Variants in ZC3H3 observed in about 807,000 individuals in gnomAD.
The protein encoded by ZC3H3 is zinc finger CCCH-type containing 3.
In ZC3H3, 36 loss-of-function variants were observed where a neutral mutation model predicts 77.3. The observed-to-expected ratio is 0.47, with a 90% CI of 0.36 to 0.61. The LOEUF (loss-of-function observed/expected upper bound fraction) is 0.61, where lower values mean the gene tolerates loss of function less well. Ranked by LOEUF, ZC3H3 falls within the 20% of genes least tolerant of loss-of-function variation. The pLI is 0.00. For synonymous variants in ZC3H3, 626 were observed against 555.2 expected, an observed-to-expected ratio of 1.13 and a Z score of -1.79; for missense variants, 1,331 against 1,312.2, an observed-to-expected ratio of 1.01 and a Z score of -0.22.
In ZC3H3 at chr8:143,468,552, G is replaced by C; in HGVS notation, c.1947-12C>G. ...GCTGCACTGCCCGGCTGCAGACGGG[G>C]AGAGAGGTGCGTGAGCCTGAGGGCG... is the stretch of plus-strand genomic sequence containing the variant. On this transcript the variant is annotated splice_polypyrimidine_tract_variant and intron_variant, in intron 6 of 11. Coordinates refer to ENST00000262577, the MANE Select transcript of ZC3H3 (RefSeq NM_015117.3). 1.2e-6 allele frequency: 2 copies of C among 1,605,346 alleles called. No individual in the cohort carries two copies. Among genetic ancestry groups the C allele is most frequent in the Non-Finnish European group, 1.7e-6 (2 of 1,176,644 alleles).
intron 9 of ZC3H3, among the ~76,000 whole-genome samples, chr8:143,448,328 C>T (rs946311540): frequency 6.6e-6 from 1 of 151,618 alleles, no homozygotes; most frequent in African/African-American, 2.4e-5. Flanking sequence ...AGAGACCAGG[C>T]AAGTCCTTTC....
chr8:143,520,320 T>C (rs1822200611), intron 3 of ZC3H3, among the ~76,000 whole-genome samples: 1 of 152,116 alleles, frequency 6.6e-6, no homozygotes, highest in African/African-American at 2.4e-5. Flanking sequence ...GACCCCGACT[T>C]GGGAGGAAGT....
intron 4 of ZC3H3, among the ~76,000 whole-genome samples, chr8:143,478,554 G>A (rs1258435949): frequency 1.3e-5 from 2 of 152,248 alleles, no homozygotes; most frequent in Non-Finnish European, 2.9e-5. Flanking sequence ...TTGTGACCCA[G>A]GCTAGAGTGC....
chr8:143,525,637 AAG>A (rs1166492060), intron 3 of ZC3H3, among the ~76,000 whole-genome samples: 1 of 152,204 alleles, frequency 6.6e-6, no homozygotes, highest in African/African-American at 2.4e-5. Context: ...CAGCCCTGGA[AAG>A]AGGGGGCTCC....
At chr8:143,507,920 A>G in intron 3 of ZC3H3, 21 bp from the exon 4 acceptor site, 1 of 1,566,074 alleles carries the variant, frequency 6.4e-7, no homozygotes, top group Admixed American at 1.7e-5. Context: ...AACCCAGGGC[A>G]CAGACATGGG....
chr8:143,461,968 T>A (rs418865), intron 9 of ZC3H3, among the ~76,000 whole-genome samples: 90,784 of 151,278 alleles, frequency 0.6, 27,479 homozygotes, highest in East Asian at 0.82. Context: ...GTACTTCAGT[T>A]AAGCTGCTTT....
chr8:143,505,828 G>A (rs1263579677), intron 4 of ZC3H3, among the ~76,000 whole-genome samples: 2 of 152,218 alleles, frequency 1.3e-5, no homozygotes, highest in Non-Finnish European at 2.9e-5. Flanking sequence ...TGGTGCTGGG[G>A]CCCTTGATCC....
chr8:143,525,034 C>T (rs536092107), intron 3 of ZC3H3, among the ~76,000 whole-genome samples: 162 of 152,392 alleles, frequency 1.1e-3, no homozygotes, highest in African/African-American at 3.7e-3. Context: ...GCTAAACTTA[C>T]GGTCATCGTA....
At chr8:143,525,295 A>G (rs1438560927) in intron 3 of ZC3H3, among the ~76,000 whole-genome samples, 1 of 152,248 alleles carries the variant, frequency 6.6e-6, no homozygotes, top group Non-Finnish European at 1.5e-5. Flanking sequence ...ACAGCCTCGG[A>G]GAGCCACAGG....
intron 3 of ZC3H3, among the ~76,000 whole-genome samples, chr8:143,517,788 C>T (rs1262426777): frequency 6.6e-6 from 1 of 152,152 alleles, no homozygotes; most frequent in East Asian, 1.9e-4. Context: ...TCTGCTTTGA[C>T]CCCCCGCTCC....
In ZC3H3 at chr8:143,441,010, C is replaced by T; in HGVS notation, c.2418G>A (p.Arg806=). ...GCCCTGGGGCGGGGGACGTGGCTGC[C>T]CGCCGACTGTGGCGTTTCTGGGTAC... The part of the protein sequence containing the change: ...LHRTQKRHSR[R]AATSPAPGPS... The change falls in exon 10 of 12, where the codon CGG becomes CGA. Residue 806 remains arginine (R), a synonymous_variant. Transcript: ENST00000262577. 1 of 1,473,624 alleles carries T rather than the reference C, an allele frequency of 6.8e-7. No individual in the cohort carries two copies. The highest frequency in any genetic ancestry group is 8.9e-7 in the Non-Finnish European group (1 of 1,119,702). The allele number at this position is 1,473,624 out of a possible 1,614,324, so 91.3% of individuals were successfully genotyped here. A position where few individuals can be genotyped will look rare whatever the true frequency, so the allele number is the denominator to read the frequency against.
chr8:143,539,135 T>A lies in ZC3H3; in HGVS notation c.232A>T (p.Asn78Tyr). 1 of 1,612,944 alleles carries A rather than the reference T, an allele frequency of 6.2e-7. No homozygotes were observed. Among genetic ancestry groups the A allele is most frequent in the Non-Finnish European group, 8.5e-7 (1 of 1,180,004 alleles). ...GGGTCTGAGGGTCCCGGGGGCCGAT[T>A]CACGAGGGAGTATTTCTTGCGCCAC... ...PSWRKKYSLV[N>Y]RPPGPSDPPA... Residue 78 changes from asparagine to tyrosine, a missense_variant, in exon 2 of 12, where the codon AAT becomes TAT. By Grantham distance (143) the Asn-to-Tyr change is moderately radical (BLOSUM62 -2). This residue lies in a region of ZC3H3 where 978 missense variants were observed against 915.5 expected (regional missense o/e 1.07). Coordinates refer to ENST00000262577, the MANE Select transcript of ZC3H3 (RefSeq NM_015117.3).
chr8:143,474,056 C>G (rs1455688019), intron 5 of ZC3H3, among the ~76,000 whole-genome samples: 2 of 152,226 alleles, frequency 1.3e-5, no homozygotes, highest in African/African-American at 4.8e-5. Context: ...CAGCATCCCC[C>G]AGGGGCAAAG....
rs745356696 is a variant in ZC3H3, at chr8:143,468,271, G to T, written c.2113C>A (p.Arg705=). The stretch of plus-strand genomic sequence containing the variant: ...CCATCCGTTTTCTTGCAGGTGCCCC[G>T]GACAAACCTGCAGCACCAGGAGAAA... The part of the protein sequence containing the change: ...EKVAVCTRFV[R]GTCKKTDGTC... The change falls in exon 8 of 12, where the codon CGG becomes AGG. Residue 705 remains arginine (R), a synonymous_variant. Transcript: ENST00000262577. 1 of 1,613,060 alleles carries T rather than the reference G, an allele frequency of 6.2e-7. No homozygotes were observed. The highest frequency in any genetic ancestry group is 8.5e-7 in the Non-Finnish European group (1 of 1,179,952).
intron 4 of ZC3H3, among the ~76,000 whole-genome samples, chr8:143,496,180 G>A (rs1269404464): frequency 6.6e-6 from 1 of 152,204 alleles, no homozygotes; most frequent in African/African-American, 2.4e-5. Flanking sequence ...AACTTGTGCT[G>A]TCAGGGTGCG....
rs757099365 is a variant in ZC3H3, at chr8:143,472,826, C to T, written c.1903+2572G>A. Among the ~76,000 whole-genome samples the T allele has an allele frequency of 1.2e-4, 18 of 152,324 alleles. No homozygotes were observed. In the South Asian group the frequency reaches 1.4e-3, roughly 12 times the overall value. ...TGCAGGGAGAATCCCAAGGACGCAC[C>T]GCGACCTGGGTGAACAGGCGGGGCC... is the stretch of plus-strand genomic sequence containing the variant. On this transcript the variant is annotated intron_variant, in intron 5 of 11. Coordinates refer to ENST00000262577, the MANE Select transcript of ZC3H3 (RefSeq NM_015117.3).
At position 143,494,215 on chromosome 8, in the gene ZC3H3, C is replaced by A. The variant is rs977159117; in HGVS notation, c.1715+13531G>T. Among the ~76,000 whole-genome samples, 2 of 152,224 alleles carry A rather than the reference C, an allele frequency of 1.3e-5. No individual in the cohort carries two copies. The highest frequency in any genetic ancestry group is 2.9e-5 in the Non-Finnish European group (2 of 68,036). On this transcript the variant is annotated intron_variant, in intron 4 of 11. Transcript: ENST00000262577. This position sits in a 1 kb window ranked among gnomAD's most constrained non-coding sequence, Gnocchi z 5.3. ...CACCCCACACAGAGGCCCAGAGCGC[C>A]CTGGACCCAGCTTCAACAGAGACTT... is the stretch of plus-strand genomic sequence containing the variant.
In ZC3H3 at chr8:143,437,889, C is replaced by G; in HGVS notation, c.*167G>C. 1.1e-6 allele frequency: 1 copy of G among 932,546 alleles called. No individual in the cohort carries two copies. Among genetic ancestry groups the G allele is most frequent in the Non-Finnish European group, 1.6e-6 (1 of 608,020 alleles). The allele number at this position is 932,546 out of a possible 1,614,324, so 57.8% of individuals were successfully genotyped here. The stretch of plus-strand genomic sequence containing the variant: ...GGAGGAAGACCAGGCCCTGCGCACA[C>G]GCTGGTCATGGAAGGTTGAGGGCCA... On this transcript the variant is annotated 3_prime_UTR_variant, in exon 12 of 12. Transcript: ENST00000262577.
chr8:143,504,760 C>CA (rs1188104132), intron 4 of ZC3H3, among the ~76,000 whole-genome samples: 1 of 152,158 alleles, frequency 6.6e-6, no homozygotes, highest in Admixed American at 6.5e-5. Context: ...CCTCAACACT[C>CA]AGAGCCCCCT....
Sources: allele counts gnomAD v4.1 joint callset (sites outside exome capture counted in the v4.1 genomes callset), GRCh38; gene constraint gnomAD v4.1.1; regional missense constraint gnomAD v4.1.1; non-coding constraint Gnocchi (gnomAD v3.1); transcripts MANE v1.5; gene names NCBI Gene and HGNC (gene_info 2026-07-23, HGNC 2026-07-21).